LRRIQ1: variants seen among roughly 807,000 people sequenced by gnomAD.
The protein encoded by LRRIQ1 is leucine-rich repeat- and IQ domain-containing protein 1.
LRRIQ1 carries 210 observed loss-of-function variants against 211.9 expected under a neutral mutation model. That is an observed-to-expected ratio of 0.99 (90% confidence interval 0.89 to 1.11). The LOEUF is 1.11. Ranked by LOEUF, LRRIQ1 falls within the 50% of genes most tolerant of loss-of-function variation. LRRIQ1 has a pLI of 0.00. For missense variants in LRRIQ1, 2,136 were observed against 1,939.5 expected (o/e 1.10, Z -1.90); for synonymous variants, 699 against 650.1 (o/e 1.08, Z -1.14).
In LRRIQ1 at chr12:85,061,734, A is replaced by G. The variant is rs923456124; in HGVS notation, c.2392-3528A>G. On this transcript the variant is annotated intron_variant, in intron 8 of 26. Coordinates refer to ENST00000393217, the MANE Select transcript of LRRIQ1 (RefSeq NM_001079910.2). ...GTAGAGCCAGTTTTCCAATTACAGA[A>G]TGTATATCTGTTTGTTACAGATTAA... Among the ~76,000 whole-genome samples, 3 of 151,862 alleles carry G rather than the reference A, an allele frequency of 2.0e-5. No homozygotes were observed. In the East Asian group the frequency reaches 5.8e-4, roughly 29 times the overall value.
At chr12:85,081,230 T>C (rs963837152) in intron 11 of LRRIQ1, among the ~76,000 whole-genome samples, 18 of 152,200 alleles carry the variant, frequency 1.2e-4, no homozygotes, top group African/African-American at 3.6e-4. Flanking sequence ...TCCTGAAAGA[T>C]GTGATCTTCT....
At chr12:85,133,132 A>C (rs1888889539) in intron 18 of LRRIQ1, among the ~76,000 whole-genome samples, 1 of 152,212 alleles carries the variant, frequency 6.6e-6, no homozygotes, top group African/African-American at 2.4e-5. Flanking sequence ...AGTGCATATT[A>C]GGTGATAATC....
chr12:85,075,926 A>C (rs1312685097), intron 11 of LRRIQ1, among the ~76,000 whole-genome samples: 2 of 152,110 alleles, frequency 1.3e-5, no homozygotes, highest in Non-Finnish European at 2.9e-5. Flanking sequence ...AGATTATCTA[A>C]AATTACACAG....
intron 5 of LRRIQ1, 42 bp downstream of exon 5, chr12:85,046,179 T>G: frequency 8.5e-7 from 1 of 1,177,802 alleles, no homozygotes; most frequent in Non-Finnish European, 1.2e-6. Context: ...GATTTTTATA[T>G]GATTGATCAT....
chr12:85,108,955 C>T (rs1322996079), intron 15 of LRRIQ1, among the ~76,000 whole-genome samples: 1 of 151,718 alleles, frequency 6.6e-6, no homozygotes, highest in Non-Finnish European at 1.5e-5. Context: ...AGTTAAAATA[C>T]ATTTATGAAC....
intron 19 of LRRIQ1, among the ~76,000 whole-genome samples, chr12:85,139,424 A>G (rs189914028): frequency 1.3e-4 from 20 of 151,600 alleles, no homozygotes; most frequent in South Asian, 4.1e-4. Flanking sequence ...TGATAGGAAA[A>G]TGAAATGGAA....
chr12:85,086,826 T>C (rs1215336460), intron 11 of LRRIQ1, among the ~76,000 whole-genome samples: 1 of 152,034 alleles, frequency 6.6e-6, no homozygotes, highest in Non-Finnish European at 1.5e-5. Context: ...TACTCAACAA[T>C]GGAAATCTCT....
chr12:85,038,496 T>C (rs2135855770), intron 2 of LRRIQ1, among the ~76,000 whole-genome samples, 188 bp downstream of exon 2: 1 of 151,876 alleles, frequency 6.6e-6, no homozygotes, highest in East Asian at 1.9e-4. Context: ...TATCATTATA[T>C]ATATTTATAT....
chr12:85,207,463 C>T (rs1409959220), intron 24 of LRRIQ1, among the ~76,000 whole-genome samples: 2 of 152,238 alleles, frequency 1.3e-5, no homozygotes, highest in African/African-American at 2.4e-5. Context: ...ATATTTTCTC[C>T]CAGTCTGTGT....
chr12:85,085,132 T>G (rs1884690082), intron 11 of LRRIQ1, among the ~76,000 whole-genome samples: 1 of 152,070 alleles, frequency 6.6e-6, no homozygotes, highest in Non-Finnish European at 1.5e-5. Context: ...CCCCCCAATT[T>G]ATTTAGTTTC....
At chr12:85,180,147 A>G (rs1295978916) in intron 24 of LRRIQ1, among the ~76,000 whole-genome samples, 2 of 151,894 alleles carry the variant, frequency 1.3e-5, no homozygotes, top group Non-Finnish European at 2.9e-5. Flanking sequence ...CCCTGTCTCA[A>G]CCACCTCTGA....
chr12:85,250,573 C>G (rs1895877980), intron 1 of LRRIQ1, among the ~76,000 whole-genome samples: 1 of 149,966 alleles, frequency 6.7e-6, no homozygotes, highest in Non-Finnish European at 1.5e-5. Context: ...GATCCTTACC[C>G]TACAAAAAAT....
chr12:85,139,280 G>T (rs948715036), intron 19 of LRRIQ1, among the ~76,000 whole-genome samples: 2 of 151,424 alleles, frequency 1.3e-5, no homozygotes, highest in African/African-American at 4.8e-5. Context: ...ATCAACTGTA[G>T]ACATTCTGTT....
intron 3 of LRRIQ1, 115 bp downstream of exon 3, chr12:85,040,716 C>A (rs1198409658): frequency 3.9e-6 from 2 of 509,174 alleles, no homozygotes; most frequent in African/African-American, 3.9e-5. Context: ...CATGTGTATA[C>A]ATTTAGTGTA....
In LRRIQ1 at chr12:85,055,641, A is replaced by G; in HGVS notation, c.848A>G (p.Gln283Arg). Residue 283 changes from glutamine to arginine, a missense_variant, in exon 8 of 27, where the codon CAG becomes CGG. Gln to Arg is a conservative substitution (Grantham distance 43). Coordinates refer to ENST00000393217, the MANE Select transcript of LRRIQ1 (RefSeq NM_001079910.2). ...GAAAAAAATTCTTTGTTAAAACAGC[A>G]GAATAATGCAGCTGTTAAAATTCAA... is the stretch of plus-strand genomic sequence containing the variant. ...EKEKNSLLKQ[Q>R]NNAAVKIQAK... The G allele has an allele frequency of 2.5e-6, 4 of 1,591,124 alleles. No homozygotes were observed. Among genetic ancestry groups the G allele is most frequent in the Non-Finnish European group, 3.4e-6 (4 of 1,173,316 alleles).
chr12:85,257,097 T>TATATATATATA, intron 1 of LRRIQ1, among the ~76,000 whole-genome samples: 1 of 117,208 alleles, frequency 8.5e-6, no homozygotes, highest in South Asian at 2.3e-4. Context: ...TATTATATAA[T>TATATATATATA]TATATAAATA....
At position 85,055,984 on chromosome 12, in the gene LRRIQ1, T is replaced by G. The variant is rs1880996956; in HGVS notation, c.1191T>G (p.Ser397Arg). Residue 397 changes from serine (S) to arginine (R), a missense_variant, in exon 8 of 27, where the codon AGT (serine) becomes AGG (arginine). By Grantham distance (110) the Ser-to-Arg change is moderately radical. Transcript: ENST00000393217. ...ATGCAAGCCAACAGCTAATAATAAG[T>G]AGTGCATTAAAGAAGAGCGGATATA... is the stretch of plus-strand genomic sequence containing the variant. The part of the protein sequence containing the change: ...REDASQQLII[S>R]SALKKSGYNN... The G allele has an allele frequency of 1.2e-6, 2 of 1,609,648 alleles. No individual in the cohort carries two copies. Among genetic ancestry groups the G allele is most frequent in the Middle Eastern group, 1.7e-4 (1 of 6,058 alleles).
intron 1 of LRRIQ1, among the ~76,000 whole-genome samples, chr12:85,251,472 G>C (rs1895941842): frequency 6.6e-6 from 1 of 151,858 alleles, no homozygotes; most frequent in African/African-American, 2.4e-5. Flanking sequence ...GGTGAGTGTG[G>C]TATCGATAAG....
chr12:85,195,292 A>G (rs1450895592), intron 24 of LRRIQ1, among the ~76,000 whole-genome samples: 1 of 151,986 alleles, frequency 6.6e-6, no homozygotes, highest in Non-Finnish European at 1.5e-5. Context: ...CAATCAATAG[A>G]AAAAGAGGGA....
Sources: allele counts gnomAD v4.1 joint callset (sites outside exome capture counted in the v4.1 genomes callset), GRCh38; gene constraint gnomAD v4.1.1; transcripts MANE v1.5; gene names NCBI Gene and HGNC (gene_info 2026-07-23, HGNC 2026-07-21).